Variants in DPP9 observed in about 807,000 individuals in gnomAD.
DPP9 encodes dipeptidyl peptidase 9, also known as dipeptidyl peptidase IV-related protein-2.
In DPP9, 50 loss-of-function variants were observed where a neutral mutation model predicts 110.7. That is an observed-to-expected ratio of 0.45 (90% CI 0.36 to 0.57). The LOEUF is 0.57. DPP9 is among the 20% of genes least tolerant of loss of function. The probability of loss-of-function intolerance (pLI) is 0.00; values close to 1 mark genes in which losing one functional copy is unlikely to be tolerated. For synonymous variants in DPP9, 561 were observed against 514.4 expected (o/e 1.09, Z -1.23); for missense variants, 1,022 against 1,217.9 (o/e 0.84, Z 2.39).
rs1292590328 is a variant in DPP9, at chr19:4,693,837, C to A, written c.1516+824G>T. Among the ~76,000 whole-genome samples the A allele has an allele frequency of 6.6e-6, 1 of 152,014 alleles. No individual in the cohort carries two copies. Among genetic ancestry groups the A allele is most frequent in the East Asian group, 1.9e-4 (1 of 5,180 alleles). ...CCCCACCCTCTCCTCCCTCTCTCCC[C>A]CTCCTCCCTGTGCTCCAGCCACAGG... On this transcript the variant is annotated intron_variant, in intron 13 of 21. Coordinates refer to ENST00000262960, the MANE Select transcript of DPP9 (RefSeq NM_139159.5). This position sits in a 1 kb window ranked among gnomAD's most constrained non-coding sequence, Gnocchi z 5.0.
In DPP9 at chr19:4,710,909, C is replaced by T. The variant is rs1040562861; in HGVS notation, c.313+3172G>A. 1.3e-5 allele frequency among the ~76,000 whole-genome samples: 2 copies of T among 152,188 alleles called. No homozygotes were observed. The highest frequency in any genetic ancestry group is 4.8e-5 in the African/African-American group (2 of 41,462). The stretch of plus-strand genomic sequence containing the variant: ...CATGCCCACTGGGGTGGGCCCTCAG[C>T]ACCTCCTGTGTACTGTGAGGACCTG... On this transcript the variant is annotated intron_variant, in intron 4 of 21. Transcript: ENST00000262960. The surrounding 1 kb of genome is among the most constrained non-coding windows in gnomAD (Gnocchi z 5.6).
Position 4,694,880 on chromosome 19 carries a change from G to T in DPP9, c.1354-57C>A. The stretch of plus-strand genomic sequence containing the variant: ...AAGGTGTGGGTGGCCGGGCATGGTG[G>T]CTCACACCAGTAATCCCAGTAGTTT... On this transcript the variant is annotated intron_variant, in intron 12 of 21. Coordinates refer to ENST00000262960, the MANE Select transcript of DPP9 (RefSeq NM_139159.5). The surrounding 1 kb of genome is among the most constrained non-coding windows in gnomAD (Gnocchi z 4.0). The T allele has an allele frequency of 6.4e-7, 1 of 1,557,984 alleles. No homozygotes were observed. Among genetic ancestry groups the T allele is most frequent in the Non-Finnish European group, 8.8e-7 (1 of 1,138,306 alleles).
At chr19:4,706,995 C>T (rs1418655038) in intron 4 of DPP9, among the ~76,000 whole-genome samples, 1 of 152,198 alleles carries the variant, frequency 6.6e-6, no homozygotes, top group Non-Finnish European at 1.5e-5. Flanking sequence ...GACAACCACA[C>T]ATATCCCCAG....
chr19:4,681,775 C>T (rs2145337274), intron 20 of DPP9, among the ~76,000 whole-genome samples: 1 of 150,976 alleles, frequency 6.6e-6, no homozygotes, highest in South Asian at 2.1e-4. Context: ...CCATGTTGGC[C>T]AGGCTGGTCT....
intron 9 of DPP9, 126 bp downstream of exon 9, chr19:4,701,901 C>T (rs902455464): frequency 3.7e-6 from 5 of 1,357,138 alleles, no homozygotes; most frequent in African/African-American, 1.5e-5. Flanking sequence ...CTTCCTTCTA[C>T]ACCCCCATAG....
chr19:4,713,742 CA>C (rs923634661), intron 4 of DPP9, among the ~76,000 whole-genome samples: 3 of 152,144 alleles, frequency 2.0e-5, no homozygotes, highest in African/African-American at 4.8e-5. Context: ...GGAAGTGACT[CA>C]GGGGGTGGAC....
chr19:4,697,501 GC>G (rs1298599800), intron 11 of DPP9, 49 bp downstream of exon 11: 2 of 1,535,356 alleles, frequency 1.3e-6, no homozygotes, highest in Admixed American at 3.5e-5. Flanking sequence ...GCTGCCCAGG[GC>G]CCAGGGCCCT....
In DPP9 at chr19:4,676,435, GGGCT is replaced by G. The variant is rs893198283; in HGVS notation, c.*125_*128del. On this transcript the variant is annotated 3_prime_UTR_variant, in exon 22 of 22. Coordinates refer to ENST00000262960, the MANE Select transcript of DPP9 (RefSeq NM_139159.5). The surrounding 1 kb of genome is among the most constrained non-coding windows in gnomAD (Gnocchi z 4.0). The stretch of plus-strand genomic sequence containing the variant: ...GGGCGGTGAAGGCAGCGGCTCCTCG[GGGCT>G]GGCCAGCGCTGGGCGGGACAAAGTG... 3.9e-6 allele frequency: 3 copies of G among 775,346 alleles called. No individual in the cohort carries two copies. In the African/African-American group the frequency reaches 5.2e-5, roughly 13 times the overall value. The allele number at this position is 775,346 out of a possible 1,614,324, so 48.0% of individuals were successfully genotyped here.
chr19:4,720,902 C>G (rs924942475), intron 2 of DPP9, among the ~76,000 whole-genome samples: 2 of 152,196 alleles, frequency 1.3e-5, no homozygotes, highest in African/African-American at 4.8e-5. Flanking sequence ...GAGGGGGACC[C>G]CCAGCTCCTG....
intron 4 of DPP9, among the ~76,000 whole-genome samples, chr19:4,708,515 C>T (rs1487802512): frequency 1.3e-5 from 2 of 152,172 alleles, no homozygotes; most frequent in Non-Finnish European, 2.9e-5. Flanking sequence ...CTATTCACAA[C>T]AGCAAAGACA....
intron 4 of DPP9, among the ~76,000 whole-genome samples, chr19:4,706,789 C>G (rs765838750): frequency 1.3e-5 from 2 of 152,202 alleles, no homozygotes; most frequent in Non-Finnish European, 2.9e-5. Flanking sequence ...GTAGTCCAGC[C>G]TGGGTAACAG....
At chr19:4,716,077 G>A (rs1000752076) in intron 3 of DPP9, 2 of 152,306 alleles carry the variant, frequency 1.3e-5, no homozygotes, top group Non-Finnish European at 2.9e-5. Flanking sequence ...TGTCCTCCGG[G>A]ACCAACAGCT....
In DPP9 at chr19:4,682,650, CAGG is replaced by C. The variant is rs1267686909; in HGVS notation, c.2474+43_2474+45del. 6 of 1,594,924 alleles carry C rather than the reference CAGG, an allele frequency of 3.8e-6. No homozygotes were observed. Among genetic ancestry groups the C allele is most frequent in the Non-Finnish European group, 3.4e-6 (4 of 1,171,796 alleles). On this transcript the variant is annotated intron_variant, in intron 20 of 21. Coordinates refer to ENST00000262960, the MANE Select transcript of DPP9 (RefSeq NM_139159.5). This position sits in a 1 kb window ranked among gnomAD's most constrained non-coding sequence, Gnocchi z 7.1. The stretch of plus-strand genomic sequence containing the variant: ...CATAGAGACAGCTGGTGCCGGGGTG[CAGG>C]AGAAGCCCCGGGGAGGAGCGCAGGG...
chr19:4,713,207 C>T (rs1379414124), intron 4 of DPP9, among the ~76,000 whole-genome samples: 11 of 152,234 alleles, frequency 7.2e-5, no homozygotes, highest in Admixed American at 7.2e-4. Context: ...GGGAGAGACG[C>T]TGCCTTTGGT....
At position 4,704,072 on chromosome 19, in the gene DPP9, C is replaced by T. The variant is rs1157139219; in HGVS notation, c.601-18G>A. ...GGGGACACCTGAGGACAGAGACGCC[C>T]AGCTCAGGGGGAGGGGCCCTCCACG... On this transcript the variant is annotated intron_variant, in intron 6 of 21. Transcript: ENST00000262960. The surrounding 1 kb of genome is among the most constrained non-coding windows in gnomAD (Gnocchi z 6.0). The T allele has an allele frequency of 6.2e-7, 1 of 1,613,740 alleles. No homozygotes were observed. The highest frequency in any genetic ancestry group is 8.5e-7 in the Non-Finnish European group (1 of 1,179,714).
chr19:4,684,227 A>T lies in DPP9; in HGVS notation c.2178+436T>A. 3.6e-6 allele frequency: 1 copy of T among 274,924 alleles called. No individual in the cohort carries two copies. The highest frequency in any genetic ancestry group is 7.1e-6 in the Non-Finnish European group (1 of 140,250). 17.0% of individuals were successfully genotyped at this position (274,924 alleles called of 1,614,324 possible). A position where few individuals can be genotyped will look rare whatever the true frequency, so the allele number is the denominator to read the frequency against. The stretch of plus-strand genomic sequence containing the variant: ...CCCTCTGCCGTGTAGGAAGCAGCAC[A>T]GGGCCTCTCTGGAGGGTTGCTGACC... On this transcript the variant is annotated intron_variant, in intron 18 of 21. Coordinates refer to ENST00000262960, the MANE Select transcript of DPP9 (RefSeq NM_139159.5). The surrounding 1 kb of genome is among the most constrained non-coding windows in gnomAD (Gnocchi z 4.8).
chr19:4,717,833 A>T (rs553378296), intron 3 of DPP9: 1 of 152,370 alleles, frequency 6.6e-6, no homozygotes, highest in South Asian at 2.1e-4. Context: ...CTGGCGCAAG[A>T]GTGAGGGAGC....
At chr19:4,683,750 G>A (rs2090266114) in intron 18 of DPP9, 121 bp from the exon 19 acceptor site, 2 of 1,598,246 alleles carry the variant, frequency 1.3e-6, no homozygotes. Flanking sequence ...CTCGCTGGAA[G>A]CCCCCTGTCC....
In DPP9 at chr19:4,704,161, G is replaced by A. The variant is rs759507427; in HGVS notation, c.570C>T (p.His190=). The change falls in exon 6 of 22, where the codon CAC becomes CAT. Residue 190 remains histidine, a synonymous_variant. Coordinates refer to ENST00000262960, the MANE Select transcript of DPP9 (RefSeq NM_139159.5). This position sits in a 1 kb window ranked among gnomAD's most constrained non-coding sequence, Gnocchi z 6.0. ...AGCCGTTCTTGCCGCCGTCGCGGCA[G>A]TGGAAGAGGCTGTTGCTGGCCTGGA... The part of the protein sequence containing the change: ...FLFQASNSLF[H]CRDGGKNGFM... 1.2e-5 allele frequency: 19 copies of A among 1,613,916 alleles called. No homozygotes were observed. The East Asian group carries it at 4.2e-4, about 36-fold the overall frequency.
Sources: allele counts gnomAD v4.1 joint callset (sites outside exome capture counted in the v4.1 genomes callset), GRCh38; gene constraint gnomAD v4.1.1; non-coding constraint Gnocchi (gnomAD v3.1); transcripts MANE v1.5; gene names NCBI Gene and HGNC (gene_info 2026-07-23, HGNC 2026-07-21).